Variants in BABAM2 observed in about 807,000 individuals in gnomAD.
BABAM2 encodes the protein BRISC and BRCA1 A complex member 2, also known as BRISC and BRCA1-A complex member 2.
BABAM2 carries 31 observed loss-of-function variants against 54.7 expected under a neutral mutation model. The ratio of observed to expected loss-of-function variants is 0.57; its 90% confidence interval spans 0.43 to 0.77. The LOEUF is 0.77. Ranked by LOEUF, BABAM2 falls within the 30% of genes least tolerant of loss-of-function variation. The probability of loss-of-function intolerance (pLI) is 0.00; values close to 1 mark genes in which losing one functional copy is unlikely to be tolerated. For missense variants in BABAM2, 364 were observed against 455.8 expected (o/e 0.80, Z 1.83); for synonymous variants, 167 against 162.9 (o/e 1.03, Z -0.19).
At chr2:28,028,628 TTGAA>T (rs919530667) in intron 5 of BABAM2, among the ~76,000 whole-genome samples, 1 of 152,152 alleles carries the variant, frequency 6.6e-6, no homozygotes, top group Non-Finnish European at 1.5e-5. Context: ...ATAAACGTTT[TTGAA>T]TGAATGAATG....
chr2:28,246,876 G>A (rs141034748), intron 10 of BABAM2, among the ~76,000 whole-genome samples: 30 of 152,298 alleles, frequency 2.0e-4, no homozygotes, highest in Admixed American at 9.2e-4. Context: ...CTGCCAACTC[G>A]TTTGTCAGTA....
intron 2 of BABAM2, among the ~76,000 whole-genome samples, chr2:27,928,090 C>T (rs1007708882): frequency 2.0e-5 from 3 of 152,110 alleles, no homozygotes; most frequent in Admixed American, 6.5e-5. Flanking sequence ...CGGCTCACTG[C>T]AACCTCCGCC....
intron 3 of BABAM2, among the ~76,000 whole-genome samples, chr2:27,953,706 A>G (rs1669907899): frequency 6.6e-6 from 1 of 152,184 alleles, no homozygotes; most frequent in African/African-American, 2.4e-5. Context: ...CGTAAAAGGA[A>G]GGGAACAAAA....
At chr2:27,990,035 A>G (rs1179737379) in intron 4 of BABAM2, among the ~76,000 whole-genome samples, 1 of 152,190 alleles carries the variant, frequency 6.6e-6, no homozygotes, top group Non-Finnish European at 1.5e-5. Context: ...TGTTTTGAGA[A>G]TATAGCTGAA....
chr2:28,138,668 A>G (rs1487280030), intron 7 of BABAM2, among the ~76,000 whole-genome samples: 2 of 152,086 alleles, frequency 1.3e-5, no homozygotes, highest in South Asian at 4.2e-4. Context: ...CCCCAAATCT[A>G]TACTTCTCCC....
At chr2:28,097,381 T>G (rs1245343034) in intron 6 of BABAM2, among the ~76,000 whole-genome samples, 3 of 152,346 alleles carry the variant, frequency 2.0e-5, no homozygotes, top group East Asian at 1.9e-4. Flanking sequence ...CCTGGCCTAA[T>G]TGCATTTTTA....
chr2:27,974,873 A>AC (rs1671479331), intron 3 of BABAM2, among the ~76,000 whole-genome samples: 1 of 152,128 alleles, frequency 6.6e-6, no homozygotes, highest in African/African-American at 2.4e-5. Flanking sequence ...CCTAGAACTT[A>AC]CGAGTTTTTT....
intron 5 of BABAM2, among the ~76,000 whole-genome samples, chr2:28,029,439 G>C (rs1271003754): frequency 6.6e-6 from 1 of 151,944 alleles, no homozygotes; most frequent in Non-Finnish European, 1.5e-5. Context: ...CTTCATATGG[G>C]TAGAATTGTA....
chr2:28,324,126 G>T (rs988887973), intron 11 of BABAM2, among the ~76,000 whole-genome samples: 1 of 152,192 alleles, frequency 6.6e-6, no homozygotes, highest in Non-Finnish European at 1.5e-5. Flanking sequence ...TAGGTGCAAT[G>T]GGGGTTGGCA....
rs397735161 is a variant in BABAM2, at chr2:28,040,294, C to CTTTTTTTTTTTTTT, written c.496-5420_496-5407dup. On this transcript the variant is annotated intron_variant, in intron 5 of 11. Coordinates refer to ENST00000379624, the MANE Select transcript of BABAM2 (RefSeq NM_199191.3). ...CAGTGCCAGAATGAAAAACTGAATT[C>CTTTTTTTTTTTTTT]TTTTTTTTTTTTTTTTTTTTTTTTG... is the stretch of plus-strand genomic sequence containing the variant. 6.7e-4 allele frequency among the ~76,000 whole-genome samples: 40 copies of CTTTTTTTTTTTTTT among 59,492 alleles called. 5 individuals carry two copies. The highest frequency in any genetic ancestry group is 1.3e-3 in the South Asian group (1 of 798). The allele number at this position is 59,492 out of a possible 152,430, so 39.0% of individuals were successfully genotyped here. A position where few individuals can be genotyped will look rare whatever the true frequency, so the allele number is the denominator to read the frequency against.
chr2:28,272,962 G>A (rs1008730199), intron 10 of BABAM2, among the ~76,000 whole-genome samples: 6 of 152,192 alleles, frequency 3.9e-5, no homozygotes, highest in African/African-American at 1.2e-4. Context: ...GCAAGTGCAG[G>A]AAGTCATCCA....
chr2:27,960,424 A>G (rs572738783), intron 3 of BABAM2, among the ~76,000 whole-genome samples: 1 of 152,006 alleles, frequency 6.6e-6, no homozygotes, highest in East Asian at 1.9e-4. Flanking sequence ...TTAAACAATG[A>G]ACTCAGAATT....
At position 28,043,339 on chromosome 2, in the gene BABAM2, C is replaced by T. The variant is rs184026838; in HGVS notation, c.496-2386C>T. Among the ~76,000 whole-genome samples the T allele has an allele frequency of 6.3e-3, 958 of 152,068 alleles. 7 individuals are homozygous for T. Among genetic ancestry groups the T allele is most frequent in the Non-Finnish European group, 7.8e-3 (533 of 67,978 alleles). On this transcript the variant is annotated intron_variant, in intron 5 of 11. Coordinates refer to ENST00000379624, the MANE Select transcript of BABAM2 (RefSeq NM_199191.3). ...AGAGACGGGGTTTCACCATATTGGC[C>T]AGGCTGGTCTCGAACTCCTGACCTT... is the stretch of plus-strand genomic sequence containing the variant.
chr2:28,190,990 C>T (rs1409833042), intron 7 of BABAM2, among the ~76,000 whole-genome samples: 2 of 152,132 alleles, frequency 1.3e-5, no homozygotes, highest in African/African-American at 2.4e-5. Context: ...AATATTTGCT[C>T]TTCAAGGCAC....
intron 7 of BABAM2, among the ~76,000 whole-genome samples, chr2:28,205,654 A>G (rs1223759777): frequency 2.6e-5 from 4 of 152,210 alleles, no homozygotes; most frequent in Non-Finnish European, 1.5e-5. Context: ...AGCTCTTCCT[A>G]TGAAATTAAT....
chr2:28,134,775 C>T (rs934167361), intron 7 of BABAM2, among the ~76,000 whole-genome samples: 2 of 152,090 alleles, frequency 1.3e-5, no homozygotes, highest in African/African-American at 4.8e-5. Flanking sequence ...CATGTGAGGC[C>T]CTTTGCTAGG....
chr2:28,245,647 A>G (rs17676954), intron 10 of BABAM2, among the ~76,000 whole-genome samples: 36,857 of 151,954 alleles, frequency 0.24, 5,647 homozygotes, highest in Non-Finnish European at 0.35. Context: ...TTTGGTACGT[A>G]CAATGTTCAG....
rs78253936 is a variant in BABAM2 at position 28,307,439 on chromosome 2, T to A, written c.1088+8948T>A. Among the ~76,000 whole-genome samples the A allele has an allele frequency of 7.2e-3, 1,101 of 151,962 alleles. 10 individuals carry two copies. The highest frequency in any genetic ancestry group is 0.025 in the African/African-American group (1,043 of 41,514). On this transcript the variant is annotated intron_variant, in intron 11 of 11. Transcript: ENST00000379624. Reference sequence around the variant, plus strand: ...TTATTCCTTTGTCCTTTTCTTCCTGTATTCTTTCAGTTTATTAAAGTATTT... The same window carrying A: ...TTATTCCTTTGTCCTTTTCTTCCTGAATTCTTTCAGTTTATTAAAGTATTT...
chr2:27,961,294 A>AT (rs983044836), intron 3 of BABAM2, among the ~76,000 whole-genome samples: 16 of 152,212 alleles, frequency 1.1e-4, no homozygotes, highest in Admixed American at 2.0e-4. Context: ...TCAACTTAGG[A>AT]TTTTTTCCCT....
Sources: allele counts gnomAD v4.1 joint callset (sites outside exome capture counted in the v4.1 genomes callset), GRCh38; gene constraint gnomAD v4.1.1; transcripts MANE v1.5; gene names NCBI Gene and HGNC (gene_info 2026-07-23, HGNC 2026-07-21).